Variants in PDE1C observed in about 807,000 individuals in gnomAD.
PDE1C encodes phosphodiesterase 1C.
In PDE1C, 62 loss-of-function variants were observed where a neutral mutation model predicts 93.1. That is an observed-to-expected ratio of 0.67 (90% CI 0.54 to 0.82). The LOEUF is 0.82. PDE1C is among the 40% of genes least tolerant of loss of function. The pLI is 0.00. For missense variants in PDE1C, 742 were observed against 884.6 expected, an observed-to-expected ratio of 0.84 and a Z score of 2.04; for synonymous variants, 325 against 310.1, an observed-to-expected ratio of 1.05 and a Z score of -0.50.
intron 1 of PDE1C, among the ~76,000 whole-genome samples, chr7:32,347,986 A>G (rs1269361694): frequency 6.6e-6 from 1 of 152,194 alleles, no homozygotes; most frequent in Non-Finnish European, 1.5e-5. Flanking sequence ...ACATTTAACC[A>G]CACAAAGGAA....
chr7:31,880,973 C>A, intron 2 of PDE1C, 113 bp from the exon 3 acceptor site: 1 of 699,946 alleles, frequency 1.4e-6, no homozygotes, highest in Non-Finnish European at 2.5e-6. Flanking sequence ...TCTGATACAT[C>A]TGAAAGGAAA....
chr7:32,336,752 C>A (rs1463769436), intron 1 of PDE1C, among the ~76,000 whole-genome samples: 1 of 152,174 alleles, frequency 6.6e-6, no homozygotes, highest in African/African-American at 2.4e-5. Context: ...TAACTCATAA[C>A]CTTTACACAC....
chr7:31,697,178 A>G, the PDE1C span: 3 of 1,578,970 alleles, frequency 1.9e-6, no homozygotes, highest in African/African-American at 4.1e-5. Flanking sequence ...GAACCTTACC[A>G]TCTGGAGGTC....
chr7:32,159,789 G>A (rs775173090), intron 3 of PDE1C, among the ~76,000 whole-genome samples: 19 of 151,098 alleles, frequency 1.3e-4, no homozygotes, highest in East Asian at 2.0e-4. Context: ...CCCAAAAACC[G>A]GAAGCTCTAC....
chr7:31,670,919 C>G, the PDE1C span, among the ~76,000 whole-genome samples: 1 of 152,112 alleles, frequency 6.6e-6, no homozygotes, highest in African/African-American at 2.4e-5. Context: ...AGAGGAGCAG[C>G]TTGAGTTCAG....
chr7:31,786,226 T>C (rs1199612154), intron 16 of PDE1C: 1 of 152,098 alleles, frequency 6.6e-6, no homozygotes, highest in Non-Finnish European at 1.5e-5. Flanking sequence ...TTTATATAGA[T>C]TGGTGTCATC....
rs113629048 is a variant in PDE1C at position 31,930,110 on chromosome 7, A to G, written c.129-49250T>C. On this transcript the variant is annotated intron_variant, in intron 2 of 17. Transcript: ENST00000396191. Reference sequence around the variant, plus strand: ...CACTGATCCCACAGAAATACAAACTACCATTAGAGAATACTATAAACACCT... The same window carrying G: ...CACTGATCCCACAGAAATACAAACTGCCATTAGAGAATACTATAAACACCT... Among the ~76,000 whole-genome samples, 1,360 of 152,314 alleles carry G rather than the reference A, an allele frequency of 8.9e-3. 21 individuals are homozygous for G. Among genetic ancestry groups the G allele is most frequent in the African/African-American group, 0.031 (1,275 of 41,564 alleles).
intron 3 of PDE1C, among the ~76,000 whole-genome samples, chr7:32,151,142 G>A (rs1457281138): frequency 1.3e-5 from 2 of 152,114 alleles, no homozygotes; most frequent in East Asian, 1.9e-4. Flanking sequence ...CAAACCAAAC[G>A]GTCTCTGTAA....
intron 2 of PDE1C, among the ~76,000 whole-genome samples, chr7:32,184,678 T>C (rs1803714556): frequency 6.6e-6 from 1 of 152,110 alleles, no homozygotes; most frequent in Non-Finnish European, 1.5e-5. Flanking sequence ...GGGATAGCAT[T>C]AGGAGATATA....
intron 1 of PDE1C, among the ~76,000 whole-genome samples, chr7:32,308,066 A>C (rs945854316): frequency 2.0e-5 from 3 of 152,242 alleles, no homozygotes; most frequent in Admixed American, 2.0e-4. Context: ...AAAAGATGGC[A>C]CACCAGGAGA....
chr7:31,782,667 T>C (rs1030314584), intron 16 of PDE1C, among the ~76,000 whole-genome samples: 2 of 152,190 alleles, frequency 1.3e-5, no homozygotes, highest in South Asian at 2.1e-4. Context: ...GTAAACCACT[T>C]TTATCCCCAC....
At chr7:32,294,199 G>A (rs943217239) in intron 1 of PDE1C, among the ~76,000 whole-genome samples, 8 of 152,254 alleles carry the variant, frequency 5.3e-5, no homozygotes, top group African/African-American at 1.9e-4. Context: ...TCAAGCCTCC[G>A]ATTGCTGTCT....
chr7:32,297,393 ACTTG>A (rs1175656517), intron 1 of PDE1C, among the ~76,000 whole-genome samples: 1 of 152,090 alleles, frequency 6.6e-6, no homozygotes, highest in Non-Finnish European at 1.5e-5. Flanking sequence ...TTTTGGAAGT[ACTTG>A]AGTACTTCCA....
intron 1 of PDE1C, among the ~76,000 whole-genome samples, chr7:32,348,752 T>C (rs1316673161): frequency 6.6e-6 from 1 of 152,176 alleles, no homozygotes; most frequent in Non-Finnish European, 1.5e-5. Context: ...CAGATGGCCA[T>C]CAAAAGATGT....
intron 2 of PDE1C, among the ~76,000 whole-genome samples, chr7:31,902,491 C>G (rs1800108967): frequency 6.6e-6 from 1 of 151,694 alleles, no homozygotes; most frequent in South Asian, 2.1e-4. Context: ...GTATGATCTT[C>G]TTGGTAGGCA....
chr7:31,814,351 A>G (rs1191562158), intron 15 of PDE1C, among the ~76,000 whole-genome samples: 1 of 152,092 alleles, frequency 6.6e-6, no homozygotes, highest in African/African-American at 2.4e-5. Flanking sequence ...AATACAAAGC[A>G]AATGAATTAA....
At chr7:31,692,343 CAAA>C in the PDE1C span, 1 of 974,178 alleles carries the variant, frequency 1.0e-6, no homozygotes, top group Non-Finnish European at 1.6e-6. Context: ...ATTTACTTAG[CAAA>C]TGATTGAATG....
intron 1 of PDE1C, among the ~76,000 whole-genome samples, chr7:32,361,994 C>T (rs1431011621): frequency 6.6e-6 from 1 of 152,218 alleles, no homozygotes; most frequent in Non-Finnish European, 1.5e-5. Flanking sequence ...AATGGCTCTG[C>T]TCTGTGGAGA....
the PDE1C span, chr7:31,696,845 AG>A: frequency 8.7e-6 from 10 of 1,144,860 alleles, no homozygotes; most frequent in Non-Finnish European, 1.2e-5. Flanking sequence ...GCTTTATTAA[AG>A]TAAGTTTGGA....
Sources: gnomAD v4.1 joint callset for allele counts (sites outside exome capture counted in the v4.1 genomes callset) on GRCh38, gnomAD v4.1.1 for gene constraint, MANE v1.5 for transcripts, NCBI Gene and HGNC (gene_info 2026-07-23, HGNC 2026-07-21) for gene names.